The following ST6GALNAC3 variants were observed in gnomAD, a reference collection of about 807,000 sequenced individuals.
The protein encoded by ST6GALNAC3 is ST6 N-acetylgalactosaminide alpha-2,6-sialyltransferase 3.
ST6GALNAC3 carries 25 observed loss-of-function variants against 32.7 expected under a neutral mutation model. The ratio of observed to expected loss-of-function variants is 0.76; its 90% CI spans 0.56 to 1.07. ST6GALNAC3 has a LOEUF of 1.07. ST6GALNAC3 is among the 50% of genes least tolerant of loss of function. The pLI is 0.00. For synonymous variants in ST6GALNAC3, 129 were observed against 133.1 expected, an observed-to-expected ratio of 0.97 and a Z score of 0.21; for missense variants, 355 against 382.4, an observed-to-expected ratio of 0.93 and a Z score of 0.60.
chr1:76,345,549 A>G (rs1648431275), intron 2 of ST6GALNAC3, among the ~76,000 whole-genome samples: 1 of 152,172 alleles, frequency 6.6e-6, no homozygotes, highest in African/African-American at 2.4e-5. Flanking sequence ...TAGCAGCTCT[A>G]CCTTGAAATA....
intron 3 of ST6GALNAC3, among the ~76,000 whole-genome samples, chr1:76,532,300 A>G (rs1053903275): frequency 6.6e-6 from 1 of 152,206 alleles, no homozygotes; most frequent in African/African-American, 2.4e-5. Context: ...CAAACAAATC[A>G]CGTCCACCAT....
At chr1:76,281,583 G>A (rs946909432) in intron 1 of ST6GALNAC3, among the ~76,000 whole-genome samples, 4 of 152,156 alleles carry the variant, frequency 2.6e-5, no homozygotes, top group Non-Finnish European at 5.9e-5. Context: ...AAGAGTGTCG[G>A]AAAATGAAAC....
intron 3 of ST6GALNAC3, among the ~76,000 whole-genome samples, chr1:76,468,787 T>C (rs1047934522): frequency 6.6e-6 from 1 of 152,076 alleles, no homozygotes; most frequent in Non-Finnish European, 1.5e-5. Flanking sequence ...ATCAATATAA[T>C]TTGGCAATAG....
chr1:76,326,979 T>C (rs1465837915), intron 2 of ST6GALNAC3, among the ~76,000 whole-genome samples: 1 of 152,174 alleles, frequency 6.6e-6, no homozygotes, highest in South Asian at 2.1e-4. Flanking sequence ...GTACTTCTAA[T>C]GTTTACTCAC....
Position 76,412,094 on chromosome 1 carries a change from A to G in ST6GALNAC3, c.300A>G (p.Arg100=), listed in dbSNP as rs367711575. ...VGQKVGNEID[R]SSCIWRMNNA... ...AGAAGGTGGGAAATGAGATAGATCG[A>G]TCCTCCTGCATTTGGAGAATGAACA... Residue 100 remains arginine (R), a synonymous_variant, in exon 3 of 5, where the codon CGA becomes CGG. Coordinates refer to ENST00000328299, the MANE Select transcript of ST6GALNAC3 (RefSeq NM_152996.4). 1 of 1,613,678 alleles carries G rather than the reference A, an allele frequency of 6.2e-7. No homozygotes were observed. The highest frequency in any genetic ancestry group is 1.7e-5 in the Admixed American group (1 of 59,916).
At chr1:76,214,457 T>C (rs1344701202) in intron 1 of ST6GALNAC3, among the ~76,000 whole-genome samples, 1 of 152,208 alleles carries the variant, frequency 6.6e-6, no homozygotes, top group Non-Finnish European at 1.5e-5. Flanking sequence ...TTAAGATTGT[T>C]ACAGTATAAA....
intron 1 of ST6GALNAC3, among the ~76,000 whole-genome samples, chr1:76,155,977 A>T (rs895440162): frequency 8.5e-5 from 13 of 152,162 alleles, no homozygotes; most frequent in Middle Eastern, 3.4e-3. Context: ...CTTAGTTGTC[A>T]TGTCTTCTTA....
intron 3 of ST6GALNAC3, among the ~76,000 whole-genome samples, chr1:76,479,113 GTAT>G (rs1436124141): frequency 1.3e-5 from 2 of 151,944 alleles, no homozygotes; most frequent in Non-Finnish European, 2.9e-5. Flanking sequence ...GCTTAACCTG[GTAT>G]TATAGAGACA....
chr1:76,532,934 T>C (rs1476502757), intron 3 of ST6GALNAC3, among the ~76,000 whole-genome samples: 6 of 152,136 alleles, frequency 3.9e-5, no homozygotes, highest in Admixed American at 3.9e-4. Context: ...CTTATTAGGA[T>C]AGGAGGCAAG....
At chr1:76,502,789 G>A (rs926003580) in intron 3 of ST6GALNAC3, among the ~76,000 whole-genome samples, 6 of 152,146 alleles carry the variant, frequency 3.9e-5, no homozygotes, top group Non-Finnish European at 8.8e-5. Flanking sequence ...GTAGAGATTA[G>A]ATAACTTGCC....
chr1:76,582,342 TGGG>T (rs1419860593), intron 3 of ST6GALNAC3, among the ~76,000 whole-genome samples: 2 of 152,178 alleles, frequency 1.3e-5, no homozygotes, highest in Non-Finnish European at 2.9e-5. Flanking sequence ...ACTTGGTGGC[TGGG>T]TTCTGAGACA....
At chr1:76,591,411 G>A (rs1647046494) in intron 3 of ST6GALNAC3, among the ~76,000 whole-genome samples, 1 of 152,140 alleles carries the variant, frequency 6.6e-6, no homozygotes, top group Non-Finnish European at 1.5e-5. Flanking sequence ...AGGTGTGTGT[G>A]TGGTGGAGGG....
intron 2 of ST6GALNAC3, among the ~76,000 whole-genome samples, chr1:76,357,409 G>A (rs1376676777): frequency 6.6e-6 from 1 of 152,040 alleles, no homozygotes; most frequent in Admixed American, 6.5e-5. Context: ...GACCATGCTG[G>A]TTTTCCAACC....
chr1:76,393,371 C>G lies in ST6GALNAC3; in HGVS notation c.214-18637C>G, dbSNP rs569454336. Among the ~76,000 whole-genome samples, 354 of 152,214 alleles carry G rather than the reference C, an allele frequency of 2.3e-3. 1 individual carries two copies. The highest frequency in any genetic ancestry group is 3.8e-3 in the Non-Finnish European group (257 of 68,006). On this transcript the variant is annotated intron_variant, in intron 2 of 4. Coordinates refer to ENST00000328299, the MANE Select transcript of ST6GALNAC3 (RefSeq NM_152996.4). ...TTATTTCTGTGGGGCAGTGGGAGAA[C>G]TTAGATCTGAGAAATCATTCTCATC...
intron 1 of ST6GALNAC3, among the ~76,000 whole-genome samples, chr1:76,255,668 T>C (rs1219754495): frequency 1.3e-5 from 2 of 152,176 alleles, no homozygotes; most frequent in Admixed American, 1.3e-4. Flanking sequence ...TTCACTACTT[T>C]GTTGCCTACG....
intron 1 of ST6GALNAC3, among the ~76,000 whole-genome samples, chr1:76,164,679 A>G (rs1385004888): frequency 1.3e-5 from 2 of 152,182 alleles, no homozygotes; most frequent in African/African-American, 4.8e-5. Flanking sequence ...CAAATTATGT[A>G]CTTACAGTAA....
rs113962478 is a variant in ST6GALNAC3 at position 76,308,261 on chromosome 1, A to G, written c.19-5544A>G. 7.0e-3 allele frequency among the ~76,000 whole-genome samples: 1,063 copies of G among 152,290 alleles called. 16 individuals are homozygous for G. Among genetic ancestry groups the G allele is most frequent in the African/African-American group, 0.024 (1,012 of 41,582 alleles). On this transcript the variant is annotated intron_variant, in intron 1 of 4. Transcript: ENST00000328299. ...GCTAATGTTCACTGAGGCTGTAACCATCAGTAGTTATGTCGTAATAGCTTT... is the reference window on the plus strand; with the variant it reads ...GCTAATGTTCACTGAGGCTGTAACCGTCAGTAGTTATGTCGTAATAGCTTT...
intron 3 of ST6GALNAC3, among the ~76,000 whole-genome samples, chr1:76,621,449 G>C (rs570436692): frequency 4.9e-4 from 75 of 152,184 alleles, no homozygotes; most frequent in Non-Finnish European, 9.7e-4. Flanking sequence ...TCCACTGCCT[G>C]ATTTGCAGAA....
chr1:76,222,474 T>C (rs1289365785), intron 1 of ST6GALNAC3, among the ~76,000 whole-genome samples: 2 of 152,016 alleles, frequency 1.3e-5, no homozygotes, highest in Non-Finnish European at 2.9e-5. Flanking sequence ...ATCTACAGAA[T>C]GGGAGATAAT....
Sources: allele counts gnomAD v4.1 joint callset (sites outside exome capture counted in the v4.1 genomes callset), GRCh38; gene constraint gnomAD v4.1.1; transcripts MANE v1.5; gene names NCBI Gene and HGNC (gene_info 2026-07-23, HGNC 2026-07-21).